The following SSPN variants were observed in gnomAD, a reference collection of about 807,000 sequenced individuals.
SSPN encodes the protein sarcospan.
A neutral mutation model predicts 19.1 loss-of-function variants in SSPN; 15 were observed. The ratio of observed to expected loss-of-function variants is 0.78; its 90% confidence interval spans 0.52 to 1.21. The LOEUF (loss-of-function observed/expected upper bound fraction) is 1.21. SSPN is among the 50% of genes most tolerant of loss of function. The pLI is 0.00. For synonymous variants in SSPN, 147 were observed against 140.3 expected (o/e 1.05, Z -0.34); for missense variants, 291 against 314.0 (o/e 0.93, Z 0.55).
At chr12:26,122,383 G>C (rs1443988450) in intron 1 of SSPN, 1 of 1,229,640 alleles carries the variant, frequency 8.1e-7, no homozygotes. Flanking sequence ...GCCGCCGCCG[G>C]GTACAGATAC....
chr12:26,135,169 T>A (rs995702164), intron 1 of SSPN: 2 of 152,280 alleles, frequency 1.3e-5, no homozygotes, highest in Non-Finnish European at 2.9e-5. Context: ...TGAGGTAACA[T>A]CCAGGGCATG....
chr12:26,168,753 G>A (rs574555628), intron 1 of SSPN, among the ~76,000 whole-genome samples: 1 of 152,142 alleles, frequency 6.6e-6, no homozygotes, highest in Non-Finnish European at 1.5e-5. Context: ...AGGAAAACAC[G>A]AGACACATTT....
At chr12:26,174,445 C>T (rs890610148) in intron 1 of SSPN, among the ~76,000 whole-genome samples, 1 of 139,514 alleles carries the variant, frequency 7.2e-6, no homozygotes, top group Admixed American at 7.1e-5. Context: ...CCTTAGTAAT[C>T]CCTACCTCCT....
chr12:26,196,904 A>G (rs903738019), intron 1 of SSPN, among the ~76,000 whole-genome samples: 1 of 152,162 alleles, frequency 6.6e-6, no homozygotes, highest in Non-Finnish European at 1.5e-5. Flanking sequence ...CACTGCCACC[A>G]CATTTGGTTT....
At chr12:26,122,212 G>A (rs1480970909) in intron 1 of SSPN, 3 of 1,332,972 alleles carry the variant, frequency 2.3e-6, no homozygotes, top group South Asian at 2.2e-5. Flanking sequence ...ACCTCGTGCG[G>A]CAGGAGGGTC....
intron 1 of SSPN, chr12:26,123,172 G>A (rs1212539399): frequency 4.4e-6 from 7 of 1,582,396 alleles, no homozygotes; most frequent in African/African-American, 1.3e-5. Flanking sequence ...CGCTCCCCTA[G>A]GATGAGGAAG....
At chr12:26,225,625 T>G (rs1945168268) in intron 2 of SSPN, among the ~76,000 whole-genome samples, 2 of 152,114 alleles carry the variant, frequency 1.3e-5, no homozygotes, top group Admixed American at 1.3e-4. Flanking sequence ...TATGCCTTCA[T>G]TTGGAAATTA....
intron 1 of SSPN, among the ~76,000 whole-genome samples, chr12:26,135,566 AG>A (rs1291989018): frequency 6.6e-6 from 1 of 152,186 alleles, no homozygotes; most frequent in Non-Finnish European, 1.5e-5. Context: ...TGCCCTTGAT[AG>A]GCTGGAAATA....
At chr12:26,162,439 G>A (rs1944595130) in intron 1 of SSPN, among the ~76,000 whole-genome samples, 1 of 152,098 alleles carries the variant, frequency 6.6e-6, no homozygotes, top group Admixed American at 6.5e-5. Flanking sequence ...TGATAAATTT[G>A]TGGCTCTCCT....
intron 1 of SSPN, among the ~76,000 whole-genome samples, chr12:26,147,813 G>A (rs921107526): frequency 1.3e-5 from 2 of 152,152 alleles, no homozygotes; most frequent in Admixed American, 6.5e-5. Flanking sequence ...TCTATGGGTA[G>A]GTGGTTAGGT....
At chr12:26,122,814 T>C (rs2137386663) in intron 1 of SSPN, 1 of 1,590,006 alleles carries the variant, frequency 6.3e-7, no homozygotes, top group East Asian at 2.3e-5. Flanking sequence ...GTCCGTGTCG[T>C]TCTCGGCGGC....
chr12:26,208,267 C>T (rs1043599563), intron 1 of SSPN, among the ~76,000 whole-genome samples: 6 of 152,188 alleles, frequency 3.9e-5, no homozygotes, highest in Non-Finnish European at 5.9e-5. Flanking sequence ...ACTTACACCT[C>T]ACCTCCACCA....
intron 1 of SSPN, among the ~76,000 whole-genome samples, chr12:26,196,571 C>T (rs908844639): frequency 6.6e-6 from 1 of 152,166 alleles, no homozygotes; most frequent in Non-Finnish European, 1.5e-5. Context: ...GGGACTCCAC[C>T]GATGGATGTA....
intron 1 of SSPN, chr12:26,211,319 A>G (rs1944983794): frequency 6.6e-6 from 1 of 152,186 alleles, no homozygotes; most frequent in South Asian, 2.1e-4. Flanking sequence ...CCCAAACCAA[A>G]GTGATTCTAT....
chr12:26,219,433 A>AACAAAG (rs1484268987), intron 1 of SSPN, among the ~76,000 whole-genome samples: 1 of 152,194 alleles, frequency 6.6e-6, no homozygotes, highest in Non-Finnish European at 1.5e-5. Flanking sequence ...TAGGCCAAAT[A>AACAAAG]ACAAAGACAA....
intron 1 of SSPN, among the ~76,000 whole-genome samples, chr12:26,178,034 T>A (rs1944695489): frequency 6.6e-6 from 1 of 152,216 alleles, no homozygotes; most frequent in Non-Finnish European, 1.5e-5. Flanking sequence ...ATTCACCAGC[T>A]ACCCAATTAC....
intron 1 of SSPN, among the ~76,000 whole-genome samples, chr12:26,201,730 A>AT (rs1468140009): frequency 3.3e-5 from 5 of 152,150 alleles, no homozygotes; most frequent in Non-Finnish European, 7.3e-5. Flanking sequence ...TTTGGATTTA[A>AT]TTTTTTGATA....
upstream of SSPN, among the ~76,000 whole-genome samples, chr12:26,191,723 C>A (rs35453285): frequency 6.6e-6 from 1 of 151,476 alleles, no homozygotes; most frequent in Non-Finnish European, 1.5e-5. Context: ...CACACAAATA[C>A]ACACACAGAG....
At chr12:26,170,307 T>C (rs1035681544) in intron 1 of SSPN, among the ~76,000 whole-genome samples, 7 of 152,238 alleles carry the variant, frequency 4.6e-5, no homozygotes, top group South Asian at 2.1e-4. Context: ...CAATAAATTA[T>C]TCTGTTTCTC....
Sources: allele counts gnomAD v4.1 joint callset (sites outside exome capture counted in the v4.1 genomes callset), GRCh38; gene constraint gnomAD v4.1.1; transcripts MANE v1.5; gene names NCBI Gene and HGNC (gene_info 2026-07-23, HGNC 2026-07-21).